The following RALYL variants were observed in gnomAD, a reference collection of about 807,000 sequenced individuals.
RALYL encodes RNA-binding Raly-like protein.
In RALYL, 29 loss-of-function variants were observed where a neutral mutation model predicts 35.1. The ratio of observed to expected loss-of-function variants is 0.83; its 90% CI spans 0.61 to 1.13. The LOEUF (loss-of-function observed/expected upper bound fraction) is 1.13, where lower values mean the gene tolerates loss of function less well. RALYL is among the 50% of genes most tolerant of loss of function. The pLI, the probability that RALYL is intolerant of heterozygous loss-of-function variation, is 0.00. For synonymous variants in RALYL, 120 were observed against 127.6 expected (o/e 0.94, Z 0.40); for missense variants, 359 against 360.4 (o/e 1.00, Z 0.03).
At chr8:84,625,950 A>G (rs918137091) in intron 2 of RALYL, among the ~76,000 whole-genome samples, 2 of 152,160 alleles carry the variant, frequency 1.3e-5, no homozygotes, top group Non-Finnish European at 2.9e-5. Context: ...GTGGGAAGTG[A>G]TAAAAAGAGA....
chr8:84,807,992 T>C (rs1348647564), intron 4 of RALYL, among the ~76,000 whole-genome samples: 2 of 152,208 alleles, frequency 1.3e-5, no homozygotes, highest in African/African-American at 4.8e-5. Context: ...CTTTTTGCCA[T>C]GCAAAAGCTC....
chr8:84,907,399 C>T (rs529559627), intron 8 of RALYL, among the ~76,000 whole-genome samples: 7 of 151,596 alleles, frequency 4.6e-5, no homozygotes, highest in East Asian at 1.9e-4. Context: ...CAGGAAGAAA[C>T]GGAAAGAAAA....
intron 1 of RALYL, among the ~76,000 whole-genome samples, chr8:84,405,907 C>A (rs1277325334): frequency 6.8e-6 from 1 of 145,996 alleles, no homozygotes; most frequent in Non-Finnish European, 1.5e-5. Context: ...GCAAGCTCTG[C>A]CTCCCGGGTT....
At chr8:84,458,288 G>A (rs1221285346) in intron 1 of RALYL, among the ~76,000 whole-genome samples, 2 of 151,720 alleles carry the variant, frequency 1.3e-5, no homozygotes, top group Non-Finnish European at 3.0e-5. Flanking sequence ...TTCATACCCT[G>A]GCTGAGTGTA....
At chr8:84,564,326 A>G (rs2061644676) in intron 2 of RALYL, among the ~76,000 whole-genome samples, 1 of 151,698 alleles carries the variant, frequency 6.6e-6, no homozygotes, top group South Asian at 2.1e-4. Flanking sequence ...ATATTAATAT[A>G]TGTCACACAT....
chr8:84,363,134 A>C (rs1368185746), intron 1 of RALYL, among the ~76,000 whole-genome samples: 2 of 152,184 alleles, frequency 1.3e-5, no homozygotes, highest in Non-Finnish European at 2.9e-5. Flanking sequence ...AGGCAAAGAC[A>C]AACTTGGACC....
intron 2 of RALYL, among the ~76,000 whole-genome samples, chr8:84,536,405 C>G (rs1364088595): frequency 1.3e-5 from 2 of 152,144 alleles, no homozygotes; most frequent in Non-Finnish European, 2.9e-5. Context: ...CTAACAAATA[C>G]ATTAGTTTTA....
At chr8:84,468,246 C>A (rs2052043401) in intron 1 of RALYL, among the ~76,000 whole-genome samples, 1 of 151,782 alleles carries the variant, frequency 6.6e-6, no homozygotes, top group South Asian at 2.1e-4. Context: ...TCTCGATGGT[C>A]TTTACATTTT....
At chr8:84,340,770 A>G (rs1449113652) in intron 1 of RALYL, among the ~76,000 whole-genome samples, 1 of 152,082 alleles carries the variant, frequency 6.6e-6, no homozygotes, top group Non-Finnish European at 1.5e-5. Context: ...TGATGCTGCA[A>G]TGTGCATGGG....
At chr8:84,647,363 A>G (rs376537994) in intron 2 of RALYL, among the ~76,000 whole-genome samples, 8 of 151,572 alleles carry the variant, frequency 5.3e-5, no homozygotes, top group African/African-American at 1.9e-4. Flanking sequence ...GAATATGGAA[A>G]AGAAGAGTAA....
At chr8:84,368,359 C>T (rs1854961644) in intron 1 of RALYL, among the ~76,000 whole-genome samples, 1 of 152,052 alleles carries the variant, frequency 6.6e-6, no homozygotes, top group African/African-American at 2.4e-5. Flanking sequence ...AATTTTGATG[C>T]ACAAAATTAT....
intron 1 of RALYL, among the ~76,000 whole-genome samples, chr8:84,377,318 T>C (rs1413719540): frequency 1.3e-5 from 2 of 151,642 alleles, no homozygotes; most frequent in African/African-American, 2.4e-5. Context: ...CCTCAAAATA[T>C]CATGTGGGCT....
chr8:84,302,423 T>C (rs73296716), intron 1 of RALYL, among the ~76,000 whole-genome samples: 3,094 of 152,302 alleles, frequency 0.02, 113 homozygotes, highest in African/African-American at 0.07. Flanking sequence ...TTCTCTAAGC[T>C]GTAGTTTATT....
At chr8:84,660,340 A>T (rs1216170508) in intron 2 of RALYL, among the ~76,000 whole-genome samples, 1 of 152,020 alleles carries the variant, frequency 6.6e-6, no homozygotes, top group Non-Finnish European at 1.5e-5. Context: ...TCACATAACC[A>T]TATGCTTGAA....
chr8:84,629,560 C>A (rs759953270), intron 2 of RALYL, among the ~76,000 whole-genome samples: 43 of 151,890 alleles, frequency 2.8e-4, no homozygotes, highest in Non-Finnish European at 5.3e-4. Context: ...CAAACCTAAG[C>A]AAACAATGAA....
chr8:84,819,601 T>A (rs1828064266), intron 4 of RALYL, among the ~76,000 whole-genome samples: 1 of 151,954 alleles, frequency 6.6e-6, no homozygotes, highest in Non-Finnish European at 1.5e-5. Flanking sequence ...TCAAAAAGAG[T>A]CTCCCTCAGT....
chr8:84,826,510 GGGTATACCAAAAATGTCATCAT>G (rs1829739186), intron 4 of RALYL, among the ~76,000 whole-genome samples: 1 of 151,936 alleles, frequency 6.6e-6, no homozygotes, highest in Non-Finnish European at 1.5e-5. Flanking sequence ...TAAAATACTA[GGGTATACCAAAAATGTCATCAT>G]TTTTTAATAT....
At chr8:84,270,621 T>C (rs1007429447) in intron 1 of RALYL, among the ~76,000 whole-genome samples, 1 of 151,526 alleles carries the variant, frequency 6.6e-6, no homozygotes, top group African/African-American at 2.4e-5. Context: ...CTATAAAACA[T>C]TATTACACAG....
intron 2 of RALYL, among the ~76,000 whole-genome samples, chr8:84,581,816 C>G (rs1810909983): frequency 6.6e-6 from 1 of 152,050 alleles, no homozygotes; most frequent in African/African-American, 2.4e-5. Context: ...GAAAATTTGT[C>G]TAGAAATTTT....
Sources: gnomAD v4.1 joint callset for allele counts (sites outside exome capture counted in the v4.1 genomes callset) on GRCh38, gnomAD v4.1.1 for gene constraint, MANE v1.5 for transcripts, NCBI Gene and HGNC (gene_info 2026-07-23, HGNC 2026-07-21) for gene names.